Variants in FBXO15 observed in about 807,000 individuals in gnomAD.
FBXO15 encodes F-box protein 15, also known as F-box only protein 15.
A neutral mutation model predicts 49.5 loss-of-function variants in FBXO15; 30 were observed. The ratio of observed to expected loss-of-function variants is 0.61; its 90% CI spans 0.45 to 0.82. FBXO15 has a LOEUF of 0.82. FBXO15 is among the 40% of genes least tolerant of loss of function. FBXO15 has a pLI of 0.00. For missense variants in FBXO15, 591 were observed against 631.5 expected, an observed-to-expected ratio of 0.94 and a Z score of 0.69; for synonymous variants, 250 against 232.7, an observed-to-expected ratio of 1.07 and a Z score of -0.68.
chr18:74,104,129 T>A (rs1274113960), intron 8 of FBXO15, among the ~76,000 whole-genome samples: 1 of 151,900 alleles, frequency 6.6e-6, no homozygotes, highest in African/African-American at 2.4e-5. Flanking sequence ...AAACATAAGG[T>A]GAGGAGTGGT....
In FBXO15 at chr18:74,124,506, T is replaced by G; in HGVS notation, c.978A>C (p.Thr326=). 6.2e-7 allele frequency: 1 copy of G among 1,614,086 alleles called. No individual in the cohort carries two copies. Among genetic ancestry groups the G allele is most frequent in the Non-Finnish European group, 8.5e-7 (1 of 1,179,996 alleles). The change falls in exon 7 of 10, where the codon ACA becomes ACC. Residue 326 remains threonine (T), a synonymous_variant. Transcript: ENST00000419743. Reference sequence around the variant, plus strand: ...ATACATACATAGTAGCCGAGCCTAATGTGCTCCTCTCCACAAGGTGATGAA... The same window carrying G: ...ATACATACATAGTAGCCGAGCCTAAGGTGCTCCTCTCCACAAGGTGATGAA... ...LHFHHLVERS[T]LGSATIPYEL...
In FBXO15 at chr18:74,082,046, TATTTCC is replaced by T; in HGVS notation, c.1139-1_1143del. On this transcript the variant is annotated splice_acceptor_variant and coding_sequence_variant, in exon 9 of 10. Coordinates refer to ENST00000419743, the MANE Select transcript of FBXO15 (RefSeq NM_001142958.2). LOFTEE classifies it high-confidence loss of function. Reference sequence around the variant, plus strand: ...ATGAGCTTCACATGTCCATTTTCAATATTTCCTGAAAAGATATAAGATTGTTTCAAT... The same window carrying T: ...ATGAGCTTCACATGTCCATTTTCAATTGAAAAGATATAAGATTGTTTCAAT... 6.2e-7 allele frequency: 1 copy of T among 1,611,272 alleles called. No homozygotes were observed. The highest frequency in any genetic ancestry group is 8.5e-7 in the Non-Finnish European group (1 of 1,179,148).
intron 8 of FBXO15, among the ~76,000 whole-genome samples, chr18:74,121,549 A>T (rs1021835046): frequency 3.9e-5 from 6 of 152,192 alleles, no homozygotes; most frequent in African/African-American, 1.4e-4. Flanking sequence ...TGTGGAATTG[A>T]ATAATTCTGA....
At chr18:74,121,406 C>A (rs886977540) in intron 8 of FBXO15, among the ~76,000 whole-genome samples, 1 of 152,084 alleles carries the variant, frequency 6.6e-6, no homozygotes, top group Non-Finnish European at 1.5e-5. Flanking sequence ...AAGAAATGTG[C>A]AAAACTAGCA....
At chr18:74,088,222 C>T (rs1912836194) in intron 8 of FBXO15, among the ~76,000 whole-genome samples, 1 of 152,098 alleles carries the variant, frequency 6.6e-6, no homozygotes, top group Non-Finnish European at 1.5e-5. Context: ...TCCCATTTGT[C>T]AATTTTTGGT....
chr18:74,095,351 T>G (rs931075097), intron 8 of FBXO15, among the ~76,000 whole-genome samples: 3 of 152,218 alleles, frequency 2.0e-5, no homozygotes, highest in Non-Finnish European at 4.4e-5. Context: ...TCACTAAACT[T>G]AATCACTTCT....
In FBXO15 at chr18:74,124,506, TG is replaced by T. The variant is rs747598572; in HGVS notation, c.977del (p.Thr326AsnfsTer2). On this transcript the variant is annotated frameshift_variant, in exon 7 of 10. Coordinates refer to ENST00000419743, the MANE Select transcript of FBXO15 (RefSeq NM_001142958.2). LOFTEE classifies it high-confidence loss of function. ...ATACATACATAGTAGCCGAGCCTAATGTGCTCCTCTCCACAAGGTGATGAAA... is the reference window on the plus strand; with the variant it reads ...ATACATACATAGTAGCCGAGCCTAATTGCTCCTCTCCACAAGGTGATGAAA... ...LHFHHLVERS[T>X]LGSATIPYEL... 4.3e-6 allele frequency: 7 copies of T among 1,613,968 alleles called. No individual in the cohort carries two copies. The highest frequency in any genetic ancestry group is 1.1e-5 in the South Asian group (1 of 91,088).
chr18:74,130,406 C>T lies in FBXO15; in HGVS notation c.575+10G>A, dbSNP rs1026650466. ...GATGCCATCATTCTCTTTTGGAACACACTGCGTACCTGAGGGCCTCTTTGG... is the reference window on the plus strand; with the variant it reads ...GATGCCATCATTCTCTTTTGGAACATACTGCGTACCTGAGGGCCTCTTTGG... On this transcript the variant is annotated intron_variant, in intron 4 of 9. Coordinates refer to ENST00000419743, the MANE Select transcript of FBXO15 (RefSeq NM_001142958.2). 1.2e-6 allele frequency: 2 copies of T among 1,613,580 alleles called. No individual in the cohort carries two copies. The highest frequency in any genetic ancestry group is 3.3e-5 in the Admixed American group (2 of 59,922).
intron 2 of FBXO15, 74 bp downstream of exon 2, chr18:74,140,128 A>T: frequency 7.9e-7 from 1 of 1,267,072 alleles, no homozygotes; most frequent in Non-Finnish European, 1.1e-6. Flanking sequence ...CTTGGTATAT[A>T]CAGCATCATA....
chr18:74,123,273 G>T (rs1914547357), intron 8 of FBXO15, 95 bp downstream of exon 8: 5 of 1,341,592 alleles, frequency 3.7e-6, no homozygotes, highest in Middle Eastern at 4.9e-4. Context: ...ATTATAAAGT[G>T]ACCAGTGAGG....
chr18:74,076,088 C>T (rs939925034), intron 9 of FBXO15: 6 of 152,260 alleles, frequency 3.9e-5, no homozygotes, highest in African/African-American at 1.4e-4. Flanking sequence ...CTGGTGGAAC[C>T]ATCATCAGTC....
In FBXO15 at chr18:74,124,531, A is replaced by G; in HGVS notation, c.953T>C (p.Phe318Ser). The G allele has an allele frequency of 6.2e-7, 1 of 1,614,144 alleles. No homozygotes were observed. Among genetic ancestry groups the G allele is most frequent in the Non-Finnish European group, 8.5e-7 (1 of 1,180,028 alleles). Residue 318 changes from phenylalanine (F) to serine (S), a missense_variant, in exon 7 of 10, where the codon TTT becomes TCT. Coordinates refer to ENST00000419743, the MANE Select transcript of FBXO15 (RefSeq NM_001142958.2). ...ELAFVMANLH[F>S]HHLVERSTLG... ...TGTGCTCCTCTCCACAAGGTGATGA[A>G]AATGAAGATTTGCCATAACAAAAGC...
At chr18:74,105,863 C>T (rs1172917496) in intron 8 of FBXO15, among the ~76,000 whole-genome samples, 1 of 151,950 alleles carries the variant, frequency 6.6e-6, no homozygotes, top group East Asian at 1.9e-4. Context: ...TATATCCATT[C>T]CAAATTAATA....
intron 8 of FBXO15, among the ~76,000 whole-genome samples, chr18:74,084,731 T>C (rs773319620): frequency 5.3e-5 from 8 of 152,182 alleles, no homozygotes; most frequent in African/African-American, 7.2e-5. Context: ...GACACTGTAC[T>C]GGTAAGCATG....
intron 8 of FBXO15, among the ~76,000 whole-genome samples, chr18:74,109,773 GAAC>G (rs1913926959): frequency 6.6e-6 from 1 of 150,884 alleles, no homozygotes; most frequent in African/African-American, 2.4e-5. Flanking sequence ...GGTGGGAGTT[GAAC>G]AACGAGAACA....
At chr18:74,123,600 T>G in intron 7 of FBXO15, 90 bp from the exon 8 acceptor site, 1 of 1,390,572 alleles carries the variant, frequency 7.2e-7, no homozygotes, top group African/African-American at 1.4e-5. Context: ...AATTACCATC[T>G]GTATCAAAGC....
chr18:74,139,902 T>A (rs1004477793), intron 2 of FBXO15, among the ~76,000 whole-genome samples: 1 of 152,214 alleles, frequency 6.6e-6, no homozygotes, highest in Non-Finnish European at 1.5e-5. Flanking sequence ...ATCTTCTTTC[T>A]TTCTCCTTTT....
intron 8 of FBXO15, among the ~76,000 whole-genome samples, chr18:74,114,838 CAAAG>C (rs1221294523): frequency 6.6e-6 from 1 of 151,982 alleles, no homozygotes; most frequent in Non-Finnish European, 1.5e-5. Context: ...CATAAAAATA[CAAAG>C]AAAGGACACT....
At position 74,130,773 on chromosome 18, in the gene FBXO15, G is replaced by T. The variant is rs1446787275; in HGVS notation, c.333-115C>A. On this transcript the variant is annotated intron_variant, in intron 3 of 9. Transcript: ENST00000419743. Reference sequence around the variant, plus strand: ...TAATCCAATTCCATGAATAAGCCAAGCTGAATATTTACAGTTGAACGTTCA... The same window carrying T: ...TAATCCAATTCCATGAATAAGCCAATCTGAATATTTACAGTTGAACGTTCA... 2.6e-6 allele frequency: 3 copies of T among 1,158,004 alleles called. No individual in the cohort carries two copies. In the Admixed American group the frequency reaches 7.9e-5, roughly 30 times the overall value. The allele number at this position is 1,158,004 out of a possible 1,614,324, so 71.7% of individuals were successfully genotyped here.
Sources: allele counts gnomAD v4.1 joint callset (sites outside exome capture counted in the v4.1 genomes callset), GRCh38; gene constraint gnomAD v4.1.1; transcripts MANE v1.5; gene names NCBI Gene and HGNC (gene_info 2026-07-23, HGNC 2026-07-21).